Variants in SOX5 observed in about 807,000 individuals in gnomAD.
SOX5 encodes the protein SRY-box transcription factor 5.
In SOX5, 9 loss-of-function variants were observed where a neutral mutation model predicts 92.0. The observed-to-expected ratio is 0.10, with a 90% confidence interval of 0.06 to 0.17. SOX5 has a LOEUF of 0.17. SOX5 is among the 10% of genes least tolerant of loss of function. The probability of loss-of-function intolerance (pLI) is 1.00; values close to 1 mark genes in which losing one functional copy is unlikely to be tolerated. For synonymous variants in SOX5, 344 were observed against 336.3 expected (o/e 1.02, Z -0.25); for missense variants, 642 against 944.5 (o/e 0.68, Z 4.20).
chr12:24,035,056 T>C (rs1033510656), intron 4 of SOX5, among the ~76,000 whole-genome samples: 2 of 152,126 alleles, frequency 1.3e-5, no homozygotes, highest in Admixed American at 1.3e-4. Flanking sequence ...TCTGAAATCA[T>C]GGTTACTTCT....
chr12:23,779,788 A>ATATATAT (rs2095224302), intron 3 of SOX5, among the ~76,000 whole-genome samples: 1 of 110,560 alleles, frequency 9.0e-6, no homozygotes, highest in African/African-American at 3.7e-5. Context: ...CACAGATTAA[A>ATATATAT]ATATATATAT....
At position 24,358,686 on chromosome 12, in the gene SOX5, A is replaced by G. The variant is rs188055015; in HGVS notation, c.-174+9877T>C. Among the ~76,000 whole-genome samples, 9 of 152,356 alleles carry G rather than the reference A, an allele frequency of 5.9e-5. No homozygotes were observed. The East Asian group carries it at 1.5e-3, about 26-fold the overall frequency. On this transcript the variant is annotated intron_variant, in intron 2 of 4. Transcript: ENST00000446891. ...GTTGTTGCTAATAAACATTATCAAT[A>G]AAAGTGGAAGGTTACTACAGCAAGG...
intron 1 of SOX5, among the ~76,000 whole-genome samples, chr12:24,522,754 G>C (rs998150505): frequency 6.6e-6 from 1 of 152,112 alleles, no homozygotes; most frequent in Admixed American, 6.6e-5. Context: ...ACTAGGAAGA[G>C]AAGGAAAGTA....
At chr12:23,793,592 T>G (rs2095513794) in intron 3 of SOX5, among the ~76,000 whole-genome samples, 2 of 152,222 alleles carry the variant, frequency 1.3e-5, no homozygotes, top group South Asian at 2.1e-4. Context: ...GCTGAATTGC[T>G]TGACGCAAAT....
intron 2 of SOX5, among the ~76,000 whole-genome samples, chr12:24,280,654 G>C (rs1219921187): frequency 1.3e-5 from 2 of 151,922 alleles, no homozygotes; most frequent in Non-Finnish European, 2.9e-5. Flanking sequence ...GGAAACAAAG[G>C]GTATTTCATT....
chr12:23,713,761 A>G lies in SOX5; in HGVS notation c.810+20923T>C, dbSNP rs140754074. On this transcript the variant is annotated intron_variant, in intron 6 of 14. Coordinates refer to ENST00000451604, the MANE Select transcript of SOX5 (RefSeq NM_006940.6). ...TATACATATATATGCGTGTGTGTAT[A>G]TATATAATCTATGACTAGCATTATT... 3.8e-3 allele frequency among the ~76,000 whole-genome samples: 567 copies of G among 147,418 alleles called. 8 individuals carry two copies. Among genetic ancestry groups the G allele is most frequent in the Admixed American group, 0.027 (401 of 14,706 alleles).
chr12:23,729,691 G>T (rs985980432), intron 6 of SOX5, among the ~76,000 whole-genome samples: 3 of 152,014 alleles, frequency 2.0e-5, no homozygotes, highest in Non-Finnish European at 2.9e-5. Context: ...GTAAATTTTT[G>T]GAATCTTTTA....
chr12:24,085,345 T>C (rs920011754), intron 4 of SOX5, among the ~76,000 whole-genome samples: 1 of 152,068 alleles, frequency 6.6e-6, no homozygotes, highest in African/African-American at 2.4e-5. Context: ...TCTCAGTTCA[T>C]TCTCACCATG....
chr12:23,664,538 A>G (rs1339975284), intron 7 of SOX5, among the ~76,000 whole-genome samples: 3 of 152,054 alleles, frequency 2.0e-5, no homozygotes, highest in Non-Finnish European at 4.4e-5. Context: ...AGAATGTGTT[A>G]TTATTTTTAT....
intron 3 of SOX5, among the ~76,000 whole-genome samples, chr12:23,787,843 A>C (rs759487559): frequency 3.3e-5 from 5 of 151,962 alleles, no homozygotes; most frequent in Admixed American, 1.3e-4. Flanking sequence ...TTACAGGCTC[A>C]ATGCTCATAA....
intron 1 of SOX5, among the ~76,000 whole-genome samples, chr12:23,932,887 T>C (rs796403049): frequency 1.8e-4 from 27 of 151,792 alleles, no homozygotes; most frequent in African/African-American, 6.5e-4. Context: ...ACCATTAGTT[T>C]TGAAGATAAG....
chr12:24,079,954 A>G (rs1391565654), intron 4 of SOX5, among the ~76,000 whole-genome samples: 1 of 151,938 alleles, frequency 6.6e-6, no homozygotes, highest in Non-Finnish European at 1.5e-5. Flanking sequence ...GGAGAACTAA[A>G]AGTAATTAGT....
intron 1 of SOX5, among the ~76,000 whole-genome samples, chr12:24,553,082 G>C (rs925215927): frequency 6.6e-6 from 1 of 152,146 alleles, no homozygotes; most frequent in Non-Finnish European, 1.5e-5. Flanking sequence ...TTACAGCAAA[G>C]ACATAGCTTT....
intron 1 of SOX5, among the ~76,000 whole-genome samples, chr12:24,558,307 A>T (rs2139050910): frequency 6.6e-6 from 1 of 152,332 alleles, no homozygotes; most frequent in Admixed American, 6.5e-5. Flanking sequence ...CCTCGCTGGT[A>T]AAGCCTTCAA....
rs190575464 is a variant in SOX5, at chr12:23,763,667, T to C, written c.482-7943A>G. Among the ~76,000 whole-genome samples the C allele has an allele frequency of 2.0e-3, 303 of 152,206 alleles. 5 individuals are homozygous for C. The highest frequency in any genetic ancestry group is 1.9e-3 in the Non-Finnish European group (129 of 67,972). On this transcript the variant is annotated intron_variant, in intron 3 of 14. Transcript: ENST00000451604. ...TTAATCTTTGCCTTTTTTTTTTCTT[T>C]GTTTGACAGTTGTCTTTCTAACTTC...
At chr12:23,689,551 T>C (rs1250332515) in intron 6 of SOX5, among the ~76,000 whole-genome samples, 5 of 152,198 alleles carry the variant, frequency 3.3e-5, no homozygotes, top group Non-Finnish European at 7.4e-5. Flanking sequence ...TGATCACCTC[T>C]TCTCATCTAT....
intron 6 of SOX5, among the ~76,000 whole-genome samples, chr12:23,714,830 T>C (rs2092361705): frequency 6.6e-6 from 1 of 152,230 alleles, no homozygotes; most frequent in Non-Finnish European, 1.5e-5. Context: ...AATGTGCTGC[T>C]TGAATTTTAG....
At chr12:24,307,987 G>T (rs1393294153) in intron 2 of SOX5, among the ~76,000 whole-genome samples, 1 of 151,862 alleles carries the variant, frequency 6.6e-6, no homozygotes, top group East Asian at 1.9e-4. Flanking sequence ...AATAATACTT[G>T]GTCACAGCTG....
intron 1 of SOX5, among the ~76,000 whole-genome samples, chr12:24,407,313 C>A (rs937853828): frequency 6.6e-6 from 1 of 152,164 alleles, no homozygotes; most frequent in African/African-American, 2.4e-5. Context: ...AGCCAAAGAA[C>A]TGGGATCCAC....
Sources: allele counts gnomAD v4.1 joint callset (sites outside exome capture counted in the v4.1 genomes callset), GRCh38; gene constraint gnomAD v4.1.1; transcripts MANE v1.5; gene names NCBI Gene and HGNC (gene_info 2026-07-23, HGNC 2026-07-21).